The following SMS variants were observed in gnomAD, a reference collection of about 807,000 sequenced individuals.
SMS encodes the protein spermine synthase.
A neutral mutation model predicts 33.0 loss-of-function variants in SMS; 3 were observed. The ratio of observed to expected loss-of-function variants is 0.09; its 90% CI spans 0.04 to 0.23. The LOEUF (loss-of-function observed/expected upper bound fraction) is 0.23, where lower values mean the gene tolerates loss of function less well. Among genes scored for constraint, SMS ranks in the 10% least tolerant of loss-of-function variants. The pLI, the probability that SMS is intolerant of heterozygous loss-of-function variation, is 1.00. For synonymous variants in SMS, 103 were observed against 112.2 expected, an observed-to-expected ratio of 0.92 and a Z score of 0.52; for missense variants, 117 against 288.6, an observed-to-expected ratio of 0.41 and a Z score of 4.31.
At chrX:21,963,962 C>T (rs755671457) in intron 1 of SMS, among the ~76,000 whole-genome samples, 6 of 111,566 alleles carry the variant, frequency 5.4e-5, no homozygotes, top group Non-Finnish European at 1.1e-4. Context: ...CTGCCTGGCT[C>T]AGTACACTCA....
At chrX:21,955,002 A>G (rs939958168) in intron 1 of SMS, among the ~76,000 whole-genome samples, 1 of 110,723 alleles carries the variant, frequency 9.0e-6, no homozygotes, top group African/African-American at 3.3e-5. Context: ...ACAGCGGGCT[A>G]ATTTTTATAT....
At chrX:21,962,853 C>T (rs1923455631) in intron 1 of SMS, among the ~76,000 whole-genome samples, 1 of 109,925 alleles carries the variant, frequency 9.1e-6, no homozygotes. Flanking sequence ...ACAGATTTTA[C>T]CACGTTGCCC....
chrX:21,967,108 T>A, intron 1 of SMS, 88 bp from the exon 2 acceptor site: 1 of 631,287 alleles, frequency 1.6e-6, no homozygotes, highest in Non-Finnish European at 2.4e-6. Context: ...TTATTTATTT[T>A]TAAGCTCAGT....
rs1298259974 is a variant in SMS at position 21,978,069 on chromosome X, G to A, written c.615G>A (p.Leu205=). Residue 205 remains leucine (L), a synonymous_variant, in exon 6 of 11, where the codon TTG becomes TTA. Transcript: ENST00000404933. ...TGGGAGGTGGAGACGGAGGCATATT[G>A]TGTGAAATAGTCAAACTAAAACCAA... ...LILGGGDGGI[L]CEIVKLKPKM... The A allele has an allele frequency of 8.3e-6, 10 of 1,208,876 alleles. No individual in the cohort carries two copies. Among genetic ancestry groups the A allele is most frequent in the African/African-American group, 1.7e-5 (1 of 57,704 alleles).
intron 1 of SMS, among the ~76,000 whole-genome samples, chrX:21,945,969 G>C (rs191566254): frequency 5.9e-4 from 66 of 111,707 alleles, no homozygotes; most frequent in Middle Eastern, 4.6e-3. Flanking sequence ...GTGGCAGCAA[G>C]GCTAGTAAGT....
At chrX:21,970,183 G>A (rs928335394) in intron 2 of SMS, among the ~76,000 whole-genome samples, 1 of 112,029 alleles carries the variant, frequency 8.9e-6, no homozygotes, top group African/African-American at 3.2e-5. Context: ...CCACCCCGAG[G>A]TGCCTGTCCT....
At chrX:21,978,180 A>C in intron 6 of SMS, 66 bp downstream of exon 6, 82 of 1,052,751 alleles carry the variant, frequency 7.8e-5, no homozygotes, top group Non-Finnish European at 1.0e-4. Context: ...TCAGTGTCTC[A>C]CAACTCAAAT....
At chrX:21,968,224 C>T (rs375211006) in intron 2 of SMS, among the ~76,000 whole-genome samples, 37 of 112,809 alleles carry the variant, frequency 3.3e-4, no homozygotes, top group African/African-American at 1.2e-3. Context: ...CCTCAAGCAG[C>T]GCTTTGCCAT....
chrX:21,977,347 A>G, intron 5 of SMS, 111 bp downstream of exon 5: 1 of 710,489 alleles, frequency 1.4e-6, no homozygotes, highest in Non-Finnish European at 2.3e-6. Context: ...TGTTTTTGAC[A>G]CTGCTGGTTT....
rs1470978242 is a variant in SMS at position 21,940,812 on chromosome X, G to A, written c.-13G>A. On this transcript the variant is annotated 5_prime_UTR_variant, in exon 1 of 11. Coordinates refer to ENST00000404933, the MANE Select transcript of SMS (RefSeq NM_004595.5). ...GCTGCTCCCCCAGGCATGGCACAGGGCCTCGCCTCACTATGGCAGCAGCAC... is the reference window on the plus strand; with the variant it reads ...GCTGCTCCCCCAGGCATGGCACAGGACCTCGCCTCACTATGGCAGCAGCAC... The A allele has an allele frequency of 2.7e-6, 3 of 1,117,775 alleles. No homozygotes were observed. The highest frequency in any genetic ancestry group is 3.5e-6 in the Non-Finnish European group (3 of 852,409). The allele number at this position is 1,117,775 out of a possible 1,213,427, so 92.1% of individuals were successfully genotyped here.
rs59082770 is a variant in SMS, at chrX:21,948,439, C to CTTTTTTTTT, written c.49+7575_49+7583dup. 4.6e-4 allele frequency among the ~76,000 whole-genome samples: 37 copies of CTTTTTTTTT among 80,186 alleles called. 1 individual carries two copies. Among genetic ancestry groups the CTTTTTTTTT allele is most frequent in the African/African-American group, 1.5e-3 (29 of 19,006 alleles). The allele number at this position is 80,186 out of a possible 115,157, so 69.6% of individuals were successfully genotyped here. On this transcript the variant is annotated intron_variant, in intron 1 of 10. Transcript: ENST00000404933. ...AATAACCAGTAGTCAGTCAATGTGT[C>CTTTTTTTTT]TTTTTTTTTTTTTTTTTAAGAAAGT...
intron 7 of SMS, among the ~76,000 whole-genome samples, chrX:21,983,014 A>C (rs1925073822): frequency 9.0e-6 from 1 of 111,567 alleles, no homozygotes; most frequent in African/African-American, 3.3e-5. Context: ...GGGATAGGTT[A>C]TCTTAGGGAA....
At chrX:21,976,263 G>C (rs927586538) in intron 4 of SMS, among the ~76,000 whole-genome samples, 6 of 111,243 alleles carry the variant, frequency 5.4e-5, no homozygotes, top group African/African-American at 2.0e-4. Context: ...CTTCTACCTA[G>C]TTTCAGAGCA....
chrX:21,979,641 G>A (rs1924778858), intron 7 of SMS, among the ~76,000 whole-genome samples: 1 of 111,106 alleles, frequency 9.0e-6, no homozygotes, highest in South Asian at 3.7e-4. Context: ...CTTTGCTATT[G>A]TGAATAGTGC....
intron 8 of SMS, among the ~76,000 whole-genome samples, chrX:21,984,783 A>C (rs1250339128): frequency 8.9e-6 from 1 of 112,135 alleles, no homozygotes; most frequent in Non-Finnish European, 1.9e-5. Context: ...GTTCCAAATC[A>C]CAGCTAGTTC....
chrX:21,968,846 A>C (rs754193779), intron 2 of SMS, among the ~76,000 whole-genome samples: 10 of 112,101 alleles, frequency 8.9e-5, no homozygotes, highest in African/African-American at 3.2e-4. Flanking sequence ...TGAGTGCACC[A>C]AAATCTCACG....
chrX:21,976,777 A>G (rs1156544453), intron 4 of SMS, among the ~76,000 whole-genome samples: 1 of 111,925 alleles, frequency 8.9e-6, no homozygotes, highest in Non-Finnish European at 1.9e-5. Context: ...ATGCTGCTGG[A>G]GCATTTGAAA....
rs72369541 is a variant in SMS at position 21,967,089 on chromosome X, TTTAC to T, written c.50-103_50-100del. ...ATTTATTTATTTATTTATTTATTTA[TTTAC>T]TTATTTATTTATTTTTAAGCTCAGT... On this transcript the variant is annotated intron_variant, in intron 1 of 10. Transcript: ENST00000404933. 18,462 of 220,733 alleles carry T rather than the reference TTTAC, an allele frequency of 0.084. 481 individuals are homozygous for T. The highest frequency in any genetic ancestry group is 0.21 in the African/African-American group (2,774 of 13,171). The allele number at this position is 220,733 out of a possible 1,213,427, so 18.2% of individuals were successfully genotyped here. A position where few individuals can be genotyped will look rare whatever the true frequency, so the allele number is the denominator to read the frequency against.
intron 9 of SMS, among the ~76,000 whole-genome samples, chrX:21,989,963 G>A (rs981296894): frequency 4.5e-5 from 5 of 111,024 alleles, no homozygotes; most frequent in African/African-American, 1.6e-4. Flanking sequence ...TGCTGCTCTC[G>A]AACTCCTGAC....
Sources: allele counts gnomAD v4.1 joint callset (sites outside exome capture counted in the v4.1 genomes callset), GRCh38; gene constraint gnomAD v4.1.1; transcripts MANE v1.5; gene names NCBI Gene and HGNC (gene_info 2026-07-23, HGNC 2026-07-21).